The following KLF12 variants were observed in gnomAD, a reference collection of about 807,000 sequenced individuals.
KLF12 encodes Krueppel-like factor 12.
A neutral mutation model predicts 37.8 loss-of-function variants in KLF12; 9 were observed. The observed-to-expected ratio is 0.24, with a 90% CI of 0.14 to 0.42. The LOEUF (loss-of-function observed/expected upper bound fraction) is 0.42. KLF12 is among the 10% of genes least tolerant of loss of function. The pLI is 1.00. For synonymous variants in KLF12, 208 were observed against 202.1 expected, an observed-to-expected ratio of 1.03 and a Z score of -0.25; for missense variants, 411 against 516.0, an observed-to-expected ratio of 0.80 and a Z score of 1.97.
chr13:74,071,672 G>C (rs1006168441), intron 1 of KLF12, among the ~76,000 whole-genome samples: 4 of 152,114 alleles, frequency 2.6e-5, no homozygotes, highest in African/African-American at 7.2e-5. Flanking sequence ...CAGCCTGGGC[G>C]ACAGAGCGAG....
rs140048101 is a variant in KLF12 at position 73,992,857 on chromosome 13, G to C, written c.33+2133C>G. On this transcript the variant is annotated intron_variant, in intron 2 of 7. Transcript: ENST00000377669. ...AAACTAACAGCATCTGATTCAAGCA[G>C]ACTTAAAAACAAGCATCAATGTATT... 2.0e-3 allele frequency among the ~76,000 whole-genome samples: 302 copies of C among 152,280 alleles called. 3 individuals are homozygous for C. Among genetic ancestry groups the C allele is most frequent in the African/African-American group, 6.9e-3 (286 of 41,528 alleles).
chr13:74,071,622 G>A (rs576542947), intron 1 of KLF12, among the ~76,000 whole-genome samples: 39 of 152,330 alleles, frequency 2.6e-4, no homozygotes, highest in South Asian at 8.3e-4. Flanking sequence ...GAACTCGGGA[G>A]GCGGAGCTTG....
intron 2 of KLF12, among the ~76,000 whole-genome samples, chr13:73,962,673 C>T (rs945344164): frequency 5.9e-5 from 9 of 152,102 alleles, no homozygotes; most frequent in African/African-American, 1.4e-4. Flanking sequence ...AAAATCTCTT[C>T]GCAAGTTTAA....
chr13:74,304,452 A>C, the KLF12 span, among the ~76,000 whole-genome samples: 2 of 152,156 alleles, frequency 1.3e-5, no homozygotes, highest in Non-Finnish European at 2.9e-5. Flanking sequence ...CTTAAATCTC[A>C]TGTCAGTATC....
chr13:73,858,655 G>C (rs1287554980), intron 3 of KLF12, among the ~76,000 whole-genome samples: 1 of 152,124 alleles, frequency 6.6e-6, no homozygotes, highest in Admixed American at 6.5e-5. Flanking sequence ...TAAATCTGAG[G>C]ATGCTACAAA....
intron 1 of KLF12, among the ~76,000 whole-genome samples, chr13:74,081,896 T>C (rs1046790932): frequency 5.3e-5 from 8 of 151,934 alleles, no homozygotes; most frequent in African/African-American, 1.9e-4. Context: ...AAACAATGGG[T>C]TGGTCTAAAA....
intron 1 of KLF12, among the ~76,000 whole-genome samples, chr13:74,082,251 T>C (rs954816657): frequency 6.6e-6 from 1 of 151,488 alleles, no homozygotes; most frequent in Admixed American, 6.6e-5. Flanking sequence ...GAGGATCACC[T>C]GACCCCAGGA....
At chr13:73,771,800 A>G (rs530095435) in intron 5 of KLF12, among the ~76,000 whole-genome samples, 5 of 152,360 alleles carry the variant, frequency 3.3e-5, no homozygotes, top group African/African-American at 4.8e-5. Context: ...AATGAATTCA[A>G]ACTGTGAAAT....
the KLF12 span, among the ~76,000 whole-genome samples, chr13:74,169,584 A>G: frequency 6.6e-6 from 1 of 152,242 alleles, no homozygotes; most frequent in African/African-American, 2.4e-5. Flanking sequence ...TGTTATTAAT[A>G]TTGCTGATAG....
At chr13:74,023,680 T>C (rs1360739843) in intron 1 of KLF12, among the ~76,000 whole-genome samples, 3 of 152,166 alleles carry the variant, frequency 2.0e-5, no homozygotes. Flanking sequence ...GCCACTCTAC[T>C]CTAGGATGAC....
chr13:73,949,886 A>G (rs1455404784), intron 2 of KLF12, among the ~76,000 whole-genome samples: 6 of 152,200 alleles, frequency 3.9e-5, no homozygotes, highest in African/African-American at 1.4e-4. Context: ...AATGTCAATA[A>G]CTGTATTTTA....
At chr13:74,298,740 C>T in the KLF12 span, among the ~76,000 whole-genome samples, 8 of 152,044 alleles carry the variant, frequency 5.3e-5, no homozygotes, top group African/African-American at 1.4e-4. Flanking sequence ...ATTAAAAATA[C>T]GGAAACATGG....
At chr13:73,717,472 C>T (rs1403278438) in intron 6 of KLF12, among the ~76,000 whole-genome samples, 1 of 152,162 alleles carries the variant, frequency 6.6e-6, no homozygotes, top group Non-Finnish European at 1.5e-5. Flanking sequence ...TTTCATATTG[C>T]TCCAGTGAAT....
At chr13:73,975,168 T>C (rs1323073337) in intron 2 of KLF12, among the ~76,000 whole-genome samples, 1 of 152,214 alleles carries the variant, frequency 6.6e-6, no homozygotes, top group East Asian at 1.9e-4. Flanking sequence ...TGCTTCTGCT[T>C]TTTTCAGCTC....
chr13:73,970,154 G>A (rs980661976), intron 2 of KLF12, among the ~76,000 whole-genome samples: 3 of 152,126 alleles, frequency 2.0e-5, no homozygotes, highest in African/African-American at 7.2e-5. Context: ...GTGGCAGAGT[G>A]AGAAAACACA....
chr13:74,238,287 A>G, the KLF12 span, among the ~76,000 whole-genome samples: 1 of 128,436 alleles, frequency 7.8e-6, no homozygotes, highest in South Asian at 2.4e-4. Context: ...CCAGGGATGA[A>G]GCCCACTTGA....
intron 7 of KLF12, among the ~76,000 whole-genome samples, chr13:73,697,598 G>A (rs537712369): frequency 6.6e-6 from 1 of 152,226 alleles, no homozygotes; most frequent in South Asian, 2.1e-4. Context: ...ACATGTTTTT[G>A]AAATTTATAC....
the KLF12 span, among the ~76,000 whole-genome samples, chr13:74,147,911 C>CT: frequency 6.6e-6 from 1 of 151,774 alleles, no homozygotes; most frequent in African/African-American, 2.4e-5. Flanking sequence ...TTTCTCACTT[C>CT]TTTTTTTTCT....
intron 1 of KLF12, among the ~76,000 whole-genome samples, chr13:74,053,518 A>G (rs1222580347): frequency 6.6e-6 from 1 of 152,182 alleles, no homozygotes; most frequent in Non-Finnish European, 1.5e-5. Context: ...AGGAAACTAA[A>G]GTATAGAGAA....
Sources: gnomAD v4.1 joint callset for allele counts (sites outside exome capture counted in the v4.1 genomes callset) on GRCh38, gnomAD v4.1.1 for gene constraint, MANE v1.5 for transcripts, NCBI Gene and HGNC (gene_info 2026-07-23, HGNC 2026-07-21) for gene names.